Variants in PDE4D observed in about 807,000 individuals in gnomAD.
The protein encoded by PDE4D is phosphodiesterase 4D.
Under a neutral mutation model 87.4 loss-of-function variants are expected in PDE4D, and 24 were observed. The observed-to-expected ratio is 0.27, with a 90% CI of 0.20 to 0.39. The LOEUF (loss-of-function observed/expected upper bound fraction) is 0.39, where lower values mean the gene tolerates loss of function less well. Among genes scored for constraint, PDE4D ranks in the 10% least tolerant of loss-of-function variants. The probability of loss-of-function intolerance (pLI) is 1.00; values close to 1 mark genes in which losing one functional copy is unlikely to be tolerated. For missense variants in PDE4D, 714 were observed against 1,041.0 expected (o/e 0.69, Z 4.32); for synonymous variants, 384 against 383.2 (o/e 1.00, Z -0.02).
intron 1 of PDE4D, among the ~76,000 whole-genome samples, chr5:59,589,113 T>C (rs1403247958): frequency 6.6e-6 from 1 of 152,182 alleles, no homozygotes; most frequent in Admixed American, 6.5e-5. Flanking sequence ...GATGAGGCTA[T>C]TGAGGCACTC....
intron 5 of PDE4D, among the ~76,000 whole-genome samples, chr5:59,106,700 C>G (rs891364024): frequency 1.3e-5 from 2 of 152,156 alleles, no homozygotes; most frequent in African/African-American, 4.8e-5. Context: ...GCGGAGTTTG[C>G]GGTGAGCTGA....
chr5:60,473,078 C>G (rs1561293873), intron 1 of PDE4D, among the ~76,000 whole-genome samples: 1 of 110,180 alleles, frequency 9.1e-6, no homozygotes, highest in African/African-American at 3.8e-5. Context: ...GAGGGAGAGA[C>G]AGAGAGAGAG....
At chr5:60,327,944 C>A (rs1756953436) in intron 1 of PDE4D, among the ~76,000 whole-genome samples, 1 of 152,046 alleles carries the variant, frequency 6.6e-6, no homozygotes, top group Admixed American at 6.6e-5. Context: ...AACATAATAG[C>A]TTCTACAAAT....
intron 1 of PDE4D, among the ~76,000 whole-genome samples, chr5:59,703,108 G>A (rs76355818): frequency 0.014 from 2,084 of 152,140 alleles, 49 homozygotes; most frequent in African/African-American, 0.048. Flanking sequence ...AGCTTTACCA[G>A]AATGTTTTGT....
chr5:60,358,111 C>T (rs190573375), intron 1 of PDE4D, among the ~76,000 whole-genome samples: 1 of 152,206 alleles, frequency 6.6e-6, no homozygotes. Context: ...GGAACCCAGG[C>T]AGTCTGGCAA....
chr5:59,690,141 C>G (rs1161144057), intron 1 of PDE4D, among the ~76,000 whole-genome samples: 1 of 152,102 alleles, frequency 6.6e-6, no homozygotes, highest in African/African-American at 2.4e-5. Flanking sequence ...GGCCACACTG[C>G]CCAAGGTAAT....
chr5:60,179,548 A>T (rs1784208818), intron 2 of PDE4D, among the ~76,000 whole-genome samples: 1 of 152,104 alleles, frequency 6.6e-6, no homozygotes, highest in Non-Finnish European at 1.5e-5. Context: ...CCCTTGAAAA[A>T]AATTATGCAA....
At chr5:59,282,256 G>T (rs943107246) in intron 1 of PDE4D, among the ~76,000 whole-genome samples, 2 of 152,080 alleles carry the variant, frequency 1.3e-5, no homozygotes, top group Non-Finnish European at 2.9e-5. Flanking sequence ...ATTCTTAAAA[G>T]ACTTTTGAAA....
chr5:59,241,253 T>C (rs1298745826), intron 1 of PDE4D, among the ~76,000 whole-genome samples: 1 of 152,196 alleles, frequency 6.6e-6, no homozygotes, highest in Non-Finnish European at 1.5e-5. Flanking sequence ...CAACTAGGTC[T>C]GCTACCCTGC....
Position 59,192,183 on chromosome 5 carries a change from C to G in PDE4D, c.684+1317G>C, listed in dbSNP as rs369139068. Among the ~76,000 whole-genome samples, 407 of 152,192 alleles carry G rather than the reference C, an allele frequency of 2.7e-3. 2 individuals are homozygous for G. The highest frequency in any genetic ancestry group is 6.2e-3 in the South Asian group (30 of 4,824). ...GTTTGGAAAGTTTTAAAAAGTAGAACTATACATAATCCTACTATCTAAACC... is the reference window on the plus strand; with the variant it reads ...GTTTGGAAAGTTTTAAAAAGTAGAAGTATACATAATCCTACTATCTAAACC... On this transcript the variant is annotated intron_variant, in intron 3 of 14. Transcript: ENST00000340635.
chr5:59,668,827 A>AGAGGAAGAGGAAGAG (rs369376803), intron 1 of PDE4D, among the ~76,000 whole-genome samples: 83 of 76,668 alleles, frequency 1.1e-3, no homozygotes, highest in East Asian at 2.5e-3. Context: ...AAGAAGAAGA[A>AGAGGAAGAGGAAGAG]GAAGAGGAAG....
At chr5:59,089,493 AT>A (rs1400869870) in intron 5 of PDE4D, among the ~76,000 whole-genome samples, 1 of 152,260 alleles carries the variant, frequency 6.6e-6, no homozygotes, top group East Asian at 1.9e-4. Flanking sequence ...TGCTTTAAGT[AT>A]TTTTATATGT....
intron 5 of PDE4D, among the ~76,000 whole-genome samples, chr5:59,135,020 A>G (rs1776827941): frequency 6.6e-6 from 1 of 152,138 alleles, no homozygotes; most frequent in African/African-American, 2.4e-5. Flanking sequence ...GGTTGCAATG[A>G]GTTACATAAT....
At chr5:59,138,711 C>A (rs1777480532) in intron 5 of PDE4D, among the ~76,000 whole-genome samples, 1 of 152,082 alleles carries the variant, frequency 6.6e-6, no homozygotes, top group Non-Finnish European at 1.5e-5. Context: ...TTTATTTTGC[C>A]CCCTGTATCA....
intron 1 of PDE4D, among the ~76,000 whole-genome samples, chr5:60,470,984 C>T (rs1326413401): frequency 6.6e-6 from 1 of 152,126 alleles, no homozygotes; most frequent in Non-Finnish European, 1.5e-5. Context: ...AAGGCTGTAG[C>T]TGCCATAAAC....
intron 1 of PDE4D, among the ~76,000 whole-genome samples, chr5:59,265,566 A>G (rs1762728315): frequency 6.6e-6 from 1 of 152,134 alleles, no homozygotes; most frequent in African/African-American, 2.4e-5. Context: ...AATGCATAAT[A>G]TAAGCTAACA....
chr5:60,474,149 T>TATATATATATATATATAA (rs1212803987), intron 1 of PDE4D, among the ~76,000 whole-genome samples: 1 of 94,410 alleles, frequency 1.1e-5, no homozygotes, highest in South Asian at 3.3e-4. Flanking sequence ...TATATATATA[T>TATATATATATATATATAA]AACAAAAACC....
intron 1 of PDE4D, among the ~76,000 whole-genome samples, chr5:59,321,081 A>T (rs1453869786): frequency 6.6e-6 from 1 of 152,052 alleles, no homozygotes; most frequent in African/African-American, 2.4e-5. Context: ...AGGGACATTC[A>T]TATTAAACTT....
At chr5:60,192,403 A>G (rs143338798) in intron 1 of PDE4D, among the ~76,000 whole-genome samples, 145 of 152,306 alleles carry the variant, frequency 9.5e-4, no homozygotes, top group African/African-American at 3.2e-3. Context: ...CTTTAATGGT[A>G]TTATACACTT....
Sources: gnomAD v4.1 joint callset for allele counts (sites outside exome capture counted in the v4.1 genomes callset) on GRCh38, gnomAD v4.1.1 for gene constraint, MANE v1.5 for transcripts, NCBI Gene and HGNC (gene_info 2026-07-23, HGNC 2026-07-21) for gene names.